The following DHCR7 variants were observed in gnomAD, a reference collection of about 807,000 sequenced individuals.
The protein encoded by DHCR7 is 7-dehydrocholesterol reductase.
A neutral mutation model predicts 43.3 loss-of-function variants in DHCR7; 40 were observed. That is an observed-to-expected ratio of 0.92 (90% CI 0.72 to 1.20). DHCR7 has a LOEUF of 1.20. Among genes scored for constraint, DHCR7 ranks in the 50% most tolerant of loss-of-function variants. DHCR7 has a pLI of 0.00. For missense variants in DHCR7, 608 were observed against 644.6 expected, an observed-to-expected ratio of 0.94 and a Z score of 0.62; for synonymous variants, 298 against 271.4, an observed-to-expected ratio of 1.10 and a Z score of -0.96.
intron 6 of DHCR7, among the ~76,000 whole-genome samples, chr11:71,440,641 T>C (rs1227502446): frequency 4.1e-5 from 6 of 144,658 alleles, no homozygotes; most frequent in African/African-American, 1.6e-4. Context: ...GGTGGATGGA[T>C]GATGCATTGG....
chr11:71,441,413 C>G lies in DHCR7; in HGVS notation c.440G>C (p.Gly147Ala). 6.2e-7 allele frequency: 1 copy of G among 1,613,844 alleles called. No homozygotes were observed. Among genetic ancestry groups the G allele is most frequent in the Non-Finnish European group, 8.5e-7 (1 of 1,179,802 alleles). ...AGVVNKYQIN[G>A]LQAWLLTHLL... ...GTGCGTGAGGAGCCAGGCTTGCAGG[C>G]CATTGATCTGATACTTGTTCACAAC... The change falls in exon 6 of 9, where the codon GGC (glycine) becomes GCC (alanine). Residue 147 changes from glycine to alanine, a missense_variant. Physicochemically the swap from Gly to Ala is moderately conservative, Grantham distance 60. Coordinates refer to ENST00000355527, the MANE Select transcript of DHCR7 (RefSeq NM_001360.3).
chr11:71,435,931 C>T (rs1353868071), intron 8 of DHCR7, 92 bp from the exon 9 acceptor site: 3 of 1,015,418 alleles, frequency 3.0e-6, no homozygotes, highest in South Asian at 1.4e-5. Flanking sequence ...GGGGTCAAAC[C>T]CCAGCTCTGC....
At chr11:71,438,032 A>G in intron 7 of DHCR7, 89 bp from the exon 8 acceptor site, 1 of 1,512,086 alleles carries the variant, frequency 6.6e-7, no homozygotes, top group Non-Finnish European at 9.1e-7. Flanking sequence ...CAGATGCAGC[A>G]GGGGGTGCTC....
At chr11:71,447,063 C>T (rs896292326) in intron 2 of DHCR7, among the ~76,000 whole-genome samples, 1 of 152,204 alleles carries the variant, frequency 6.6e-6, no homozygotes, top group Non-Finnish European at 1.5e-5. Flanking sequence ...TCAGTGCCCC[C>T]ACTCCCTCCG....
chr11:71,433,329 A>T (rs1949240120), downstream of DHCR7, among the ~76,000 whole-genome samples: 2 of 152,198 alleles, frequency 1.3e-5, no homozygotes, highest in African/African-American at 4.8e-5. Context: ...CCATCTGGGG[A>T]TGAGTGAGGG....
At chr11:71,428,589 G>C (rs1949212414) in exon 3 of DHCR7, 1 of 290,418 alleles carries the variant, frequency 3.4e-6, no homozygotes, top group Non-Finnish European at 6.8e-6. Context: ...CACATGGCAG[G>C]ATATAACTGT....
Position 71,444,159 on chromosome 11 carries a change from A to G in DHCR7, c.155T>C (p.Phe52Ser). 1 of 1,610,130 alleles carries G rather than the reference A, an allele frequency of 6.2e-7. No homozygotes were observed. ...SVIFLLLFAP[F>S]IVYYFIMACD... ...AGCCATGATGAAGTAGTAGACGATG[A>G]AGGGGGCGAACAGCAGTAGGAAGAT... Residue 52 changes from phenylalanine (F) to serine (S), a missense_variant, in exon 4 of 9, where the codon TTC (phenylalanine) becomes TCC (serine). Coordinates refer to ENST00000355527, the MANE Select transcript of DHCR7 (RefSeq NM_001360.3).
rs1555145633 is a variant in DHCR7 at position 71,435,784 on chromosome 11, ACGCCCACGG to A, written c.1010_1018del (p.Ala337_Gly339del). ...GTAGCCCACCAGGCCCAGCAGCAGG[ACGCCCACGG>A]CGTGCGGGGTGGACAGCTGCACGGG... On this transcript the variant is annotated inframe_deletion, in exon 9 of 9. Coordinates refer to ENST00000355527, the MANE Select transcript of DHCR7 (RefSeq NM_001360.3). 1 of 1,608,798 alleles carries A rather than the reference ACGCCCACGG, an allele frequency of 6.2e-7. No homozygotes were observed. Among genetic ancestry groups the A allele is most frequent in the Non-Finnish European group, 8.5e-7 (1 of 1,176,658 alleles).
At chr11:71,436,330 C>A (rs1949280091) in intron 8 of DHCR7, among the ~76,000 whole-genome samples, 1 of 152,160 alleles carries the variant, frequency 6.6e-6, no homozygotes, top group African/African-American at 2.4e-5. Context: ...CTTTAAGAGA[C>A]AGAAGACCCA....
At chr11:71,430,541 A>G (rs953654538), downstream of DHCR7, among the ~76,000 whole-genome samples, 2 of 152,138 alleles carry the variant, frequency 1.3e-5, no homozygotes, top group African/African-American at 4.8e-5. Flanking sequence ...CTGCCTTGTC[A>G]TGTGGGGTGG....
At chr11:71,429,738 T>C (rs77073138), downstream of DHCR7, among the ~76,000 whole-genome samples, 2,669 of 152,192 alleles carry the variant, frequency 0.018, 40 homozygotes, top group Middle Eastern at 0.054. Context: ...AGATGAAACC[T>C]TGGAGTCACC....
chr11:71,443,532 G>A (rs969325022), intron 4 of DHCR7, among the ~76,000 whole-genome samples: 4 of 152,182 alleles, frequency 2.6e-5, no homozygotes, highest in Non-Finnish European at 4.4e-5. Context: ...AGCTGAGGAC[G>A]TCCTGGACCT....
chr11:71,435,965 TG>T (rs1206795281), intron 8 of DHCR7, 126 bp from the exon 9 acceptor site: 1 of 759,576 alleles, frequency 1.3e-6, no homozygotes, highest in Admixed American at 2.2e-5. Flanking sequence ...CTTGCCTCCG[TG>T]TTCTCTTCTG....
Position 71,435,201 on chromosome 11 carries a change from A to G in DHCR7, c.*174T>C, listed in dbSNP as rs762590224. On this transcript the variant is annotated 3_prime_UTR_variant, in exon 9 of 9. Coordinates refer to ENST00000355527, the MANE Select transcript of DHCR7 (RefSeq NM_001360.3). Reference sequence around the variant, plus strand: ...GACACTCGGAATTCCCTTGAAGGCAAAAGCAAGGAACAGAGCGTGATTAGG... The same window carrying G: ...GACACTCGGAATTCCCTTGAAGGCAGAAGCAAGGAACAGAGCGTGATTAGG... 5.2e-5 allele frequency: 37 copies of G among 715,506 alleles called. No individual in the cohort carries two copies. The African/African-American group carries it at 6.5e-4, about 13-fold the overall frequency. The allele number at this position is 715,506 out of a possible 1,614,324, so 44.3% of individuals were successfully genotyped here.
intron 8 of DHCR7, among the ~76,000 whole-genome samples, chr11:71,436,755 T>A (rs993178713): frequency 6.6e-6 from 1 of 152,246 alleles, no homozygotes; most frequent in Non-Finnish European, 1.5e-5. Flanking sequence ...CTTGTCACTC[T>A]TCAATCACAT....
At chr11:71,443,835 T>G in intron 4 of DHCR7, 158 bp downstream of exon 4, 1 of 615,140 alleles carries the variant, frequency 1.6e-6, no homozygotes, top group South Asian at 2.0e-5. Context: ...AGGATGAATC[T>G]GAACATGTCA....
intron 3 of DHCR7, among the ~76,000 whole-genome samples, chr11:71,444,515 G>T (rs1949385583): frequency 6.6e-6 from 1 of 152,136 alleles, no homozygotes; most frequent in Admixed American, 6.5e-5. Context: ...CCAGTTCCAG[G>T]TCGGAGAGGA....
Position 71,434,945 on chromosome 11 carries a change from G to A in DHCR7, c.*430C>T, listed in dbSNP as rs954999736. On this transcript the variant is annotated 3_prime_UTR_variant, in exon 9 of 9. Coordinates refer to ENST00000355527, the MANE Select transcript of DHCR7 (RefSeq NM_001360.3). ...GATCTAGAGCTGAAAGGCAATACAT[G>A]GATAACGCGCACGCCCCACTCCCAC... 7 of 374,150 alleles carry A rather than the reference G, an allele frequency of 1.9e-5. No homozygotes were observed. Among genetic ancestry groups the A allele is most frequent in the African/African-American group, 1.5e-4 (7 of 47,424 alleles). The allele number at this position is 374,150 out of a possible 1,614,324, so 23.2% of individuals were successfully genotyped here.
intron 6 of DHCR7, among the ~76,000 whole-genome samples, chr11:71,440,522 T>C (rs1171289766): frequency 1.4e-5 from 2 of 147,486 alleles, no homozygotes; most frequent in Non-Finnish European, 3.0e-5. Context: ...GGTGGATGGG[T>C]GTGTGGCTAG....
Sources: allele counts gnomAD v4.1 joint callset (sites outside exome capture counted in the v4.1 genomes callset), GRCh38; gene constraint gnomAD v4.1.1; transcripts MANE v1.5; gene names NCBI Gene and HGNC (gene_info 2026-07-23, HGNC 2026-07-21).